Variants in BICD1 observed in about 807,000 individuals in gnomAD.
The protein encoded by BICD1 is BICD cargo adaptor 1, also known as protein bicaudal D homolog 1.
BICD1 carries 35 observed loss-of-function variants against 92.5 expected under a neutral mutation model. The observed-to-expected ratio is 0.38, with a 90% CI of 0.29 to 0.50. The LOEUF (loss-of-function observed/expected upper bound fraction) is 0.50, where lower values mean the gene tolerates loss of function less well. Among genes scored for constraint, BICD1 ranks in the 20% least tolerant of loss-of-function variants. The pLI is 0.93. For synonymous variants in BICD1, 429 were observed against 465.1 expected, an observed-to-expected ratio of 0.92 and a Z score of 1.00; for missense variants, 950 against 1,189.8, an observed-to-expected ratio of 0.80 and a Z score of 2.97.
At chr12:32,226,976 A>C (rs746780785) in intron 2 of BICD1, among the ~76,000 whole-genome samples, 6 of 152,140 alleles carry the variant, frequency 3.9e-5, no homozygotes, top group Non-Finnish European at 8.8e-5. Flanking sequence ...AGGGGAAGGC[A>C]TGTGAGGAGG....
At chr12:32,296,805 A>AC (rs1947888020) in intron 3 of BICD1, among the ~76,000 whole-genome samples, 1 of 152,128 alleles carries the variant, frequency 6.6e-6, no homozygotes, top group African/African-American at 2.4e-5. Context: ...TTCTTGAAAG[A>AC]CTGCCAAGGT....
chr12:32,265,092 G>T (rs1946954427), intron 2 of BICD1, among the ~76,000 whole-genome samples: 1 of 151,864 alleles, frequency 6.6e-6, no homozygotes, highest in African/African-American at 2.4e-5. Context: ...CCTCCACGAG[G>T]CCTCTGGGGT....
intron 2 of BICD1, among the ~76,000 whole-genome samples, chr12:32,246,311 A>G (rs1171115513): frequency 2.1e-4 from 11 of 51,626 alleles, no homozygotes; most frequent in Middle Eastern, 0.011. Context: ...ACCCATCAGG[A>G]AAAAAAAAAA....
intron 2 of BICD1, among the ~76,000 whole-genome samples, chr12:32,242,054 A>G (rs1449429667): frequency 2.0e-5 from 3 of 150,818 alleles, no homozygotes; most frequent in African/African-American, 4.9e-5. Context: ...CAAACAAACA[A>G]AAAAACAAAA....
chr12:32,319,610 G>A (rs1948595460), intron 4 of BICD1, among the ~76,000 whole-genome samples: 2 of 151,336 alleles, frequency 1.3e-5, no homozygotes, highest in African/African-American at 4.9e-5. Flanking sequence ...AACAGTCTTG[G>A]TCTGTTGCCC....
chr12:32,328,159 G>C lies in BICD1; in HGVS notation c.1704G>C (p.Val568=), dbSNP rs3748275. ...CCCCACGATTAGCCAGGCGGGGTGT[G>C]TCATCCCCGGTAGAAACAAGGACCT... ...LLSPRLARRG[V]SSPVETRTSS... The change falls in exon 5 of 10, where the codon GTG becomes GTC. Residue 568 remains valine (V), a synonymous_variant. Coordinates refer to ENST00000652176, the MANE Select transcript of BICD1 (RefSeq NM_001714.4). This position sits in a 1 kb window ranked among gnomAD's most constrained non-coding sequence, Gnocchi z 4.4. 359,928 of 1,613,888 alleles carry C rather than the reference G, an allele frequency of 0.22. 45,181 individuals carry two copies. Among genetic ancestry groups the C allele is most frequent in the East Asian group, 0.65 (28,993 of 44,838 alleles).
chr12:32,241,309 A>T (rs1946229317), intron 2 of BICD1, among the ~76,000 whole-genome samples: 1 of 152,230 alleles, frequency 6.6e-6, no homozygotes, highest in Admixed American at 6.5e-5. Flanking sequence ...GTATAAGGGC[A>T]TGCCTACCTT....
intron 2 of BICD1, among the ~76,000 whole-genome samples, chr12:32,248,882 C>T (rs1315186703): frequency 5.3e-5 from 8 of 152,228 alleles, no homozygotes; most frequent in Admixed American, 3.3e-4. Flanking sequence ...TTCCTGGCGG[C>T]TCCACCCCAT....
chr12:32,124,334 T>G (rs1213232117), intron 1 of BICD1, among the ~76,000 whole-genome samples: 1 of 152,230 alleles, frequency 6.6e-6, no homozygotes, highest in Non-Finnish European at 1.5e-5. Context: ...GATATTTTAC[T>G]GGAAACAATA....
chr12:32,173,998 C>CTTCA (rs1424427846), intron 1 of BICD1, among the ~76,000 whole-genome samples: 1 of 152,190 alleles, frequency 6.6e-6, no homozygotes, highest in Non-Finnish European at 1.5e-5. Flanking sequence ...ACATAATGAT[C>CTTCA]TTGAACATAT....
intron 2 of BICD1, among the ~76,000 whole-genome samples, chr12:32,282,508 T>C (rs1167255227): frequency 6.6e-6 from 1 of 152,116 alleles, no homozygotes; most frequent in African/African-American, 2.4e-5. Flanking sequence ...AGAAGGATAC[T>C]TCCTGAGCTC....
intron 2 of BICD1, among the ~76,000 whole-genome samples, chr12:32,263,728 C>T (rs1946919107): frequency 6.6e-6 from 1 of 152,080 alleles, no homozygotes; most frequent in Admixed American, 6.5e-5. Context: ...GCATATTTTT[C>T]CTGCAGGAGT....
At chr12:32,191,401 C>G (rs1014204054) in intron 1 of BICD1, among the ~76,000 whole-genome samples, 3 of 151,618 alleles carry the variant, frequency 2.0e-5, no homozygotes, top group Admixed American at 6.6e-5. Flanking sequence ...GTTTATTGCA[C>G]TTTATTGTAC....
At position 32,247,731 on chromosome 12, in the gene BICD1, T is replaced by G. The variant is rs538400488; in HGVS notation, c.426+31272T>G. On this transcript the variant is annotated intron_variant, in intron 2 of 9. Transcript: ENST00000652176. Reference sequence around the variant, plus strand: ...ATTGGTTGAACTGTGAGGCAGAGGTTGCAGTGAGCCGAGATTGCACCACTG... The same window carrying G: ...ATTGGTTGAACTGTGAGGCAGAGGTGGCAGTGAGCCGAGATTGCACCACTG... 5.9e-5 allele frequency among the ~76,000 whole-genome samples: 9 copies of G among 151,872 alleles called. No individual in the cohort carries two copies. In the South Asian group the frequency reaches 1.9e-3, roughly 32 times the overall value.
intron 2 of BICD1, among the ~76,000 whole-genome samples, chr12:32,269,949 C>T (rs1947093114): frequency 6.6e-6 from 1 of 151,514 alleles, no homozygotes; most frequent in African/African-American, 2.4e-5. Flanking sequence ...TAGCAAAACC[C>T]CATCTCTACT....
chr12:32,272,757 A>G (rs553308033), intron 2 of BICD1, among the ~76,000 whole-genome samples: 16 of 152,350 alleles, frequency 1.1e-4, no homozygotes, highest in African/African-American at 3.8e-4. Flanking sequence ...AAGGAAACAT[A>G]TTAAAACATT....
At chr12:32,283,000 C>T (rs1947460937) in intron 2 of BICD1, among the ~76,000 whole-genome samples, 1 of 152,098 alleles carries the variant, frequency 6.6e-6, no homozygotes, top group South Asian at 2.1e-4. Context: ...TAAGATGGGA[C>T]TTACTGTCTT....
At chr12:32,293,836 T>G (rs1361342635) in intron 2 of BICD1, among the ~76,000 whole-genome samples, 158 bp from the exon 3 acceptor site, 1 of 152,170 alleles carries the variant, frequency 6.6e-6, no homozygotes, top group East Asian at 1.9e-4. Context: ...TGCTTTTAAG[T>G]TTTTGACAGA....
At chr12:32,143,286 C>T (rs901437222) in intron 1 of BICD1, among the ~76,000 whole-genome samples, 2 of 152,164 alleles carry the variant, frequency 1.3e-5, no homozygotes, top group South Asian at 2.1e-4. Context: ...CCTTCTCCAT[C>T]GTAGCTTTCT....
Sources: gnomAD v4.1 joint callset for allele counts (sites outside exome capture counted in the v4.1 genomes callset) on GRCh38, gnomAD v4.1.1 for gene constraint, Gnocchi (gnomAD v3.1) non-coding constraint, MANE v1.5 for transcripts, NCBI Gene and HGNC (gene_info 2026-07-23, HGNC 2026-07-21) for gene names.